DCDC1: variants seen among roughly 807,000 people sequenced by gnomAD.
The protein encoded by DCDC1 is doublecortin domain-containing protein 1.
A neutral mutation model predicts 178.3 loss-of-function variants in DCDC1; 200 were observed. That is an observed-to-expected ratio of 1.12 (90% CI 1.00 to 1.26). DCDC1 has a LOEUF of 1.26. Among genes scored for constraint, DCDC1 ranks in the 50% most tolerant of loss-of-function variants. The probability of loss-of-function intolerance (pLI) is 0.00; values close to 1 mark genes in which losing one functional copy is unlikely to be tolerated. For missense variants in DCDC1, 1,983 were observed against 1,749.2 expected (o/e 1.13, Z -2.38); for synonymous variants, 690 against 604.8 (o/e 1.14, Z -2.07).
chr11:31,051,124 G>T (rs2135410639), intron 20 of DCDC1, among the ~76,000 whole-genome samples: 1 of 152,146 alleles, frequency 6.6e-6, no homozygotes, highest in African/African-American at 2.4e-5. Flanking sequence ...GAAATAGATA[G>T]CTTAAAAAAA....
chr11:30,999,783 T>C (rs1951470612), intron 20 of DCDC1, among the ~76,000 whole-genome samples: 1 of 152,180 alleles, frequency 6.6e-6, no homozygotes. Context: ...CCTCAAAATA[T>C]TTTTAATGTA....
intron 32 of DCDC1, among the ~76,000 whole-genome samples, chr11:30,902,004 A>G (rs1944712815): frequency 6.6e-6 from 1 of 152,156 alleles, no homozygotes; most frequent in Non-Finnish European, 1.5e-5. Flanking sequence ...TGAGGACCAA[A>G]TGAATATATT....
intron 9 of DCDC1, among the ~76,000 whole-genome samples, chr11:31,181,287 G>A (rs1024992264): frequency 1.3e-5 from 2 of 152,218 alleles, no homozygotes; most frequent in African/African-American, 4.8e-5. Flanking sequence ...TGTGGGTACA[G>A]CTTCAGCCAA....
chr11:30,940,621 T>C (rs1010484290), intron 21 of DCDC1, among the ~76,000 whole-genome samples: 3 of 152,194 alleles, frequency 2.0e-5, no homozygotes, highest in Non-Finnish European at 4.4e-5. Context: ...TTTGGTAACA[T>C]TTTTAATATT....
intron 6 of DCDC1, among the ~76,000 whole-genome samples, chr11:31,302,390 G>A (rs1350976883): frequency 6.6e-6 from 1 of 152,088 alleles, no homozygotes; most frequent in Non-Finnish European, 1.5e-5. Context: ...CCATGAATCA[G>A]AAAACTTAAT....
chr11:30,899,105 C>T (rs1244352235), intron 34 of DCDC1, among the ~76,000 whole-genome samples: 1 of 151,236 alleles, frequency 6.6e-6, no homozygotes, highest in Non-Finnish European at 1.5e-5. Context: ...CTTCCTCATT[C>T]AGATTACTTA....
At chr11:31,297,895 A>T (rs1947815958) in intron 6 of DCDC1, among the ~76,000 whole-genome samples, 1 of 152,064 alleles carries the variant, frequency 6.6e-6, no homozygotes, top group African/African-American at 2.4e-5. Context: ...GCTTTTCTGG[A>T]CCAAACCAAT....
intron 22 of DCDC1, among the ~76,000 whole-genome samples, 162 bp downstream of exon 22, chr11:30,931,609 A>G (rs916446413): frequency 2.0e-5 from 3 of 152,190 alleles, no homozygotes; most frequent in African/African-American, 7.2e-5. Context: ...TGATGAAGAA[A>G]CTAAATGAGT....
At chr11:31,056,358 A>G (rs575391143) in intron 20 of DCDC1, among the ~76,000 whole-genome samples, 1 of 152,114 alleles carries the variant, frequency 6.6e-6, no homozygotes, top group Non-Finnish European at 1.5e-5. Flanking sequence ...AAATACCAGT[A>G]ATTACATTAT....
intron 3 of DCDC1, among the ~76,000 whole-genome samples, chr11:31,315,312 T>C (rs1001113770): frequency 3.1e-4 from 34 of 107,942 alleles, no homozygotes; most frequent in African/African-American, 1.3e-3. Context: ...TACCCTTTTT[T>C]TTTTTTTTTT....
Position 31,259,498 on chromosome 11 carries a change from G to T in DCDC1, c.1054+6009C>A, listed in dbSNP as rs1944639856. On this transcript the variant is annotated intron_variant, in intron 8 of 38. Transcript: ENST00000684477. The stretch of plus-strand genomic sequence containing the variant: ...TATTTCACTTAATCTTTGCAATGTT[G>T]TTAAGGTAAATACTATAATTCCTAT... Among the ~76,000 whole-genome samples, 4 of 152,236 alleles carry T rather than the reference G, an allele frequency of 2.6e-5. No homozygotes were observed. The South Asian group carries it at 6.2e-4, about 24-fold the overall frequency.
At chr11:31,341,845 AT>A (rs1434507948) in intron 1 of DCDC1, among the ~76,000 whole-genome samples, 2 of 150,042 alleles carry the variant, frequency 1.3e-5, no homozygotes, top group Non-Finnish European at 3.0e-5. Context: ...ACACACACAC[AT>A]TTTTTTTGGT....
chr11:31,237,339 C>T (rs1976583347), intron 9 of DCDC1, among the ~76,000 whole-genome samples: 2 of 151,556 alleles, frequency 1.3e-5, no homozygotes, highest in Admixed American at 6.6e-5. Flanking sequence ...AATAATATGC[C>T]CACAAAATAA....
intron 9 of DCDC1, among the ~76,000 whole-genome samples, chr11:31,205,864 C>T (rs1386932669): frequency 6.6e-6 from 1 of 152,148 alleles, no homozygotes; most frequent in Admixed American, 6.6e-5. Flanking sequence ...TGCTGTTTAT[C>T]TGAATTTCAA....
At chr11:31,168,180 C>A (rs1966855593) in intron 9 of DCDC1, among the ~76,000 whole-genome samples, 1 of 152,164 alleles carries the variant, frequency 6.6e-6, no homozygotes. Context: ...CTCTCTACCC[C>A]CTCAATCTCT....
chr11:30,987,958 C>T (rs1331543088), intron 20 of DCDC1, among the ~76,000 whole-genome samples: 1 of 152,050 alleles, frequency 6.6e-6, no homozygotes, highest in Non-Finnish European at 1.5e-5. Flanking sequence ...GTTCTAGAAG[C>T]AGAAAGAAAG....
chr11:31,281,042 C>A, intron 7 of DCDC1: 1 of 501,052 alleles, frequency 2.0e-6, no homozygotes, highest in Non-Finnish European at 3.8e-6. Flanking sequence ...CTAGACGTCC[C>A]ATTCTCCTTA....
intron 10 of DCDC1, among the ~76,000 whole-genome samples, chr11:31,134,904 G>A (rs1962931230): frequency 6.6e-6 from 1 of 152,182 alleles, no homozygotes; most frequent in South Asian, 2.1e-4. Context: ...GCTGAAGCAA[G>A]AGGATCACTT....
intron 21 of DCDC1, among the ~76,000 whole-genome samples, chr11:30,940,372 A>G (rs1032823366): frequency 3.9e-5 from 6 of 152,086 alleles, no homozygotes; most frequent in Admixed American, 3.9e-4. Flanking sequence ...CCTGTTGACC[A>G]ACCCCTCTTC....
Sources: gnomAD v4.1 joint callset for allele counts (sites outside exome capture counted in the v4.1 genomes callset) on GRCh38, gnomAD v4.1.1 for gene constraint, MANE v1.5 for transcripts, NCBI Gene and HGNC (gene_info 2026-07-23, HGNC 2026-07-21) for gene names.